The following CDH4 variants were observed in gnomAD, a reference collection of about 807,000 sequenced individuals.
The protein encoded by CDH4 is cadherin 4.
Under a neutral mutation model 86.0 loss-of-function variants are expected in CDH4, and 33 were observed. The observed-to-expected ratio is 0.38, with a 90% CI of 0.29 to 0.51. CDH4 has a LOEUF of 0.51. Ranked by LOEUF, CDH4 falls within the 20% of genes least tolerant of loss-of-function variation. The probability of loss-of-function intolerance (pLI) is 0.86; values close to 1 mark genes in which losing one functional copy is unlikely to be tolerated. For synonymous variants in CDH4, 555 were observed against 549.4 expected, an observed-to-expected ratio of 1.01 and a Z score of -0.14; for missense variants, 1,114 against 1,307.4, an observed-to-expected ratio of 0.85 and a Z score of 2.28.
intron 3 of CDH4, among the ~76,000 whole-genome samples, chr20:61,763,881 A>T (rs1009990720): frequency 1.3e-5 from 2 of 152,184 alleles, no homozygotes; most frequent in Admixed American, 6.5e-5. Flanking sequence ...GTAGCTTGGG[A>T]GGTGCATATG....
chr20:61,809,669 C>G (rs1312489490), intron 4 of CDH4, among the ~76,000 whole-genome samples: 7 of 152,204 alleles, frequency 4.6e-5, no homozygotes, highest in Non-Finnish European at 8.8e-5. Context: ...GAGGCCAAAG[C>G]TGGGAACTGG....
At chr20:61,813,284 C>T (rs1980533926) in intron 4 of CDH4, among the ~76,000 whole-genome samples, 2 of 152,196 alleles carry the variant, frequency 1.3e-5, no homozygotes, top group Non-Finnish European at 2.9e-5. Context: ...CAGGGCCACA[C>T]CCTCGGGAGT....
chr20:61,705,836 A>T (rs988999221), intron 2 of CDH4, among the ~76,000 whole-genome samples: 1 of 152,254 alleles, frequency 6.6e-6, no homozygotes, highest in Non-Finnish European at 1.5e-5. Context: ...GCTCTTCTGC[A>T]CACATTTGTG....
chr20:61,818,865 A>G (rs1348181748), intron 4 of CDH4, among the ~76,000 whole-genome samples: 1 of 151,910 alleles, frequency 6.6e-6, no homozygotes, highest in East Asian at 2.0e-4. Flanking sequence ...CCGGCAGTCC[A>G]AGCAGAAGGT....
chr20:61,413,610 T>A (rs1196801233), intron 2 of CDH4, among the ~76,000 whole-genome samples: 1 of 152,206 alleles, frequency 6.6e-6, no homozygotes, highest in Middle Eastern at 3.2e-3. Flanking sequence ...GTTACCGCCA[T>A]TATTGTGTGA....
At chr20:61,284,169 G>T (rs932029253) in intron 2 of CDH4, among the ~76,000 whole-genome samples, 7 of 141,034 alleles carry the variant, frequency 5.0e-5, no homozygotes, top group Middle Eastern at 3.6e-3. Context: ...AAAAAAACTG[G>T]CCTGGCATAG....
At chr20:61,777,094 G>A (rs141347301) in intron 4 of CDH4, among the ~76,000 whole-genome samples, 2 of 152,262 alleles carry the variant, frequency 1.3e-5, no homozygotes, top group African/African-American at 2.4e-5. Flanking sequence ...GCTTCAGTTC[G>A]CCATAGTGCT....
intron 2 of CDH4, among the ~76,000 whole-genome samples, chr20:61,705,666 G>A (rs143796602): frequency 0.011 from 1,729 of 152,268 alleles, 37 homozygotes; most frequent in African/African-American, 0.04. Flanking sequence ...GGGACTCATT[G>A]CAGCTTGGCC....
intron 4 of CDH4, among the ~76,000 whole-genome samples, chr20:61,792,658 A>AT (rs981735508): frequency 1.6e-4 from 24 of 149,858 alleles, no homozygotes; most frequent in Middle Eastern, 3.5e-3. Flanking sequence ...GTGTGTGTGT[A>AT]TTTTTTTTTG....
rs1270362399 is a variant in CDH4 at position 61,485,340 on chromosome 20, C to T, written c.169+230403C>T. ...GGCTATTGTGGATCACAGCACCACA[C>T]TCTCTCCAAGAACATTCCCTATTGT... On this transcript the variant is annotated intron_variant, in intron 2 of 15. Transcript: ENST00000614565. 2.0e-5 allele frequency among the ~76,000 whole-genome samples: 3 copies of T among 152,230 alleles called. No homozygotes were observed. The East Asian group carries it at 5.8e-4, about 29-fold the overall frequency.
At chr20:61,787,963 G>A (rs1354313787) in intron 4 of CDH4, among the ~76,000 whole-genome samples, 2 of 152,226 alleles carry the variant, frequency 1.3e-5, no homozygotes, top group African/African-American at 4.8e-5. Context: ...GGGGCGTGTG[G>A]CCATGGGAGG....
intron 2 of CDH4, among the ~76,000 whole-genome samples, chr20:61,651,660 A>C (rs889954092): frequency 5.3e-5 from 8 of 152,168 alleles, no homozygotes; most frequent in African/African-American, 1.9e-4. Flanking sequence ...TCTGGTCAGC[A>C]TTGCTGCAGG....
intron 2 of CDH4, among the ~76,000 whole-genome samples, chr20:61,706,987 A>G (rs1449522173): frequency 6.6e-6 from 1 of 152,206 alleles, no homozygotes; most frequent in Admixed American, 6.5e-5. Context: ...CTGGGCTTTC[A>G]GGTGGGTCTG....
intron 2 of CDH4, among the ~76,000 whole-genome samples, chr20:61,419,514 G>A (rs1039614700): frequency 5.3e-5 from 8 of 152,138 alleles, no homozygotes; most frequent in East Asian, 1.9e-4. Flanking sequence ...CTTTCCAGTC[G>A]GCTGGTGCAC....
At chr20:61,581,586 T>G (rs2145719360) in intron 2 of CDH4, among the ~76,000 whole-genome samples, 1 of 152,196 alleles carries the variant, frequency 6.6e-6, no homozygotes, top group South Asian at 2.1e-4. Flanking sequence ...CCGGTCTGTG[T>G]GCTCCGAAGT....
At position 61,923,642 on chromosome 20, in the gene CDH4, C is replaced by G; in HGVS notation, c.1566C>G (p.Pro522=). The G allele has an allele frequency of 6.2e-7, 1 of 1,614,050 alleles. No individual in the cohort carries two copies. Among genetic ancestry groups the G allele is most frequent in the African/African-American group, 1.3e-5 (1 of 75,068 alleles). Residue 522 remains proline, a synonymous_variant, in exon 10 of 16, where the codon CCC becomes CCG. Transcript: ENST00000614565. Reference sequence around the variant, plus strand: ...TCCGCCTGGAGGAGGGCGTGCCCCCCGGCACCGTGCTGACCACGTTTTCAG... The same window carrying G: ...TCCGCCTGGAGGAGGGCGTGCCCCCGGGCACCGTGCTGACCACGTTTTCAG... ...KLIRLEEGVP[P]GTVLTTFSAV...
chr20:61,349,887 A>G (rs960953507), intron 2 of CDH4, among the ~76,000 whole-genome samples: 2 of 152,170 alleles, frequency 1.3e-5, no homozygotes, highest in Non-Finnish European at 2.9e-5. Context: ...CCCCCGGGGC[A>G]GGGCAGCTCA....
intron 8 of CDH4, among the ~76,000 whole-genome samples, 179 bp downstream of exon 8, chr20:61,895,226 G>A (rs904509102): frequency 9.8e-5 from 15 of 152,376 alleles, no homozygotes; most frequent in African/African-American, 2.2e-4. Context: ...CCTGATGTGC[G>A]CAGTAGGAGA....
Position 61,500,080 on chromosome 20 carries a change from G to A in CDH4, c.170-243483G>A, listed in dbSNP as rs776656747. ...GTGTGAGGGCTGTCACTTCCCTGTC[G>A]GAATCACTGTGGCATCCTCAGCCAG... On this transcript the variant is annotated intron_variant, in intron 2 of 15. Transcript: ENST00000614565. Among the ~76,000 whole-genome samples the A allele has an allele frequency of 1.2e-4, 19 of 152,170 alleles. 1 individual carries two copies. Among genetic ancestry groups the A allele is most frequent in the Non-Finnish European group, 2.2e-4 (15 of 68,040 alleles).
Sources: allele counts gnomAD v4.1 joint callset (sites outside exome capture counted in the v4.1 genomes callset), GRCh38; gene constraint gnomAD v4.1.1; transcripts MANE v1.5; gene names NCBI Gene and HGNC (gene_info 2026-07-23, HGNC 2026-07-21).